Variants in STK38L observed in about 807,000 individuals in gnomAD.
STK38L encodes serine/threonine kinase 38 like.
A neutral mutation model predicts 59.7 loss-of-function variants in STK38L; 28 were observed. The ratio of observed to expected loss-of-function variants is 0.47; its 90% CI spans 0.35 to 0.64. STK38L has a LOEUF of 0.64. Among genes scored for constraint, STK38L ranks in the 30% least tolerant of loss-of-function variants. The probability of loss-of-function intolerance (pLI) is 0.01; values close to 1 mark genes in which losing one functional copy is unlikely to be tolerated. For synonymous variants in STK38L, 162 were observed against 176.8 expected, an observed-to-expected ratio of 0.92 and a Z score of 0.66; for missense variants, 314 against 555.8, an observed-to-expected ratio of 0.56 and a Z score of 4.37.
intron 1 of STK38L, among the ~76,000 whole-genome samples, chr12:27,255,149 A>G (rs753582240): frequency 4.6e-5 from 7 of 152,206 alleles, no homozygotes; most frequent in Non-Finnish European, 8.8e-5. Context: ...GATTAGCCCC[A>G]TTGTATAGCC....
In STK38L at chr12:27,308,130, A is replaced by C. The variant is rs1006927122; in HGVS notation, c.187-209A>C. 6.6e-6 allele frequency among the ~76,000 whole-genome samples: 1 copy of C among 151,876 alleles called. No individual in the cohort carries two copies. The highest frequency in any genetic ancestry group is 6.6e-5 in the Admixed American group (1 of 15,236). On this transcript the variant is annotated intron_variant, in intron 3 of 13. Transcript: ENST00000389032. The surrounding 1 kb of genome is among the most constrained non-coding windows in gnomAD (Gnocchi z 4.5). ...TATATAGACAAATATGATGGACTGA[A>C]TTACATATTTAATGGAGTCCACCTC... is the stretch of plus-strand genomic sequence containing the variant.
chr12:27,313,263 A>AAAAT (rs1565554018), intron 6 of STK38L, among the ~76,000 whole-genome samples: 1 of 151,946 alleles, frequency 6.6e-6, no homozygotes, highest in African/African-American at 2.4e-5. Flanking sequence ...AAAAAAAAAA[A>AAAAT]AAATACCTGA....
intron 5 of STK38L, among the ~76,000 whole-genome samples, chr12:27,309,935 G>T (rs938445486): frequency 2.6e-5 from 4 of 152,166 alleles, no homozygotes; most frequent in African/African-American, 9.7e-5. Context: ...CATGTTTCCT[G>T]TGCCTTAATG....
rs556362247 is a variant in STK38L, at chr12:27,255,247, A to G, written c.-12+10915A>G. ...TTTACCGTAGTAAAACTGCATTTTC[A>G]TACTAACCAAGAGTGTAACTGGACC... On this transcript the variant is annotated intron_variant, in intron 1 of 13. Coordinates refer to ENST00000389032, the MANE Select transcript of STK38L (RefSeq NM_015000.4). 6.6e-5 allele frequency among the ~76,000 whole-genome samples: 10 copies of G among 152,344 alleles called. No individual in the cohort carries two copies. The East Asian group carries it at 1.4e-3, about 21-fold the overall frequency.
chr12:27,316,847 G>T (rs929023268), intron 9 of STK38L, among the ~76,000 whole-genome samples: 4 of 152,126 alleles, frequency 2.6e-5, no homozygotes, highest in African/African-American at 9.7e-5. Context: ...ATTAGGGCAG[G>T]TATTATTATT....
chr12:27,321,015 T>C (rs1343408094), intron 12 of STK38L, among the ~76,000 whole-genome samples: 3 of 152,138 alleles, frequency 2.0e-5, no homozygotes, highest in Non-Finnish European at 4.4e-5. Flanking sequence ...GCCAGTTCTT[T>C]TGGTTTTATA....
chr12:27,310,628 G>A (rs1179296690), intron 5 of STK38L, among the ~76,000 whole-genome samples: 4 of 151,996 alleles, frequency 2.6e-5, no homozygotes, highest in South Asian at 2.1e-4. Flanking sequence ...GATAATATTC[G>A]GATATATTAG....
chr12:27,255,050 G>C (rs1264126464), intron 1 of STK38L, among the ~76,000 whole-genome samples: 1 of 152,178 alleles, frequency 6.6e-6, no homozygotes, highest in Admixed American at 6.5e-5. Flanking sequence ...GAGCAGAAAA[G>C]GAGACAGAAA....
At chr12:27,284,447 A>C (rs926304684) in intron 1 of STK38L, among the ~76,000 whole-genome samples, 2 of 152,246 alleles carry the variant, frequency 1.3e-5, no homozygotes, top group Non-Finnish European at 2.9e-5. Flanking sequence ...TATATCACTT[A>C]ATGGTGACCA....
Position 27,308,482 on chromosome 12 carries a change from C to A in STK38L, c.309+21C>A. On this transcript the variant is annotated intron_variant, in intron 4 of 13. Transcript: ENST00000389032. The surrounding 1 kb of genome is among the most constrained non-coding windows in gnomAD (Gnocchi z 4.5). ...GAGAGGTGTGCTTCTTTTTAAAAGT[C>A]ACTACTGCTGCAAATATATATCTTA... The A allele has an allele frequency of 1.3e-6, 2 of 1,545,418 alleles. No homozygotes were observed. The highest frequency in any genetic ancestry group is 2.4e-5 in the South Asian group (2 of 82,454).
intron 2 of STK38L, chr12:27,300,539 G>A (rs1348399780): frequency 4.4e-6 from 2 of 455,764 alleles, no homozygotes; most frequent in African/African-American, 2.0e-5. Flanking sequence ...CTTACTCTCT[G>A]GATTCTTTCT....
intron 6 of STK38L, 26 bp from the exon 7 acceptor site, chr12:27,314,478 A>AAT: frequency 6.8e-7 from 1 of 1,464,650 alleles, no homozygotes; most frequent in Non-Finnish European, 9.1e-7. Flanking sequence ...TTTCAATAAT[A>AAT]ATATATTTGA....
At chr12:27,303,649 G>A (rs970328622) in intron 3 of STK38L, among the ~76,000 whole-genome samples, 1 of 152,102 alleles carries the variant, frequency 6.6e-6, no homozygotes, top group African/African-American at 2.4e-5. Context: ...AAATATGTAC[G>A]CATGATAGAA....
chr12:27,277,474 C>G (rs935615512), intron 1 of STK38L, among the ~76,000 whole-genome samples: 3 of 151,900 alleles, frequency 2.0e-5, no homozygotes, highest in African/African-American at 7.3e-5. Flanking sequence ...CTTTAACTCC[C>G]TGATTTTAGT....
At position 27,262,847 on chromosome 12, in the gene STK38L, G is replaced by A. The variant is rs1220684236; in HGVS notation, c.-12+18515G>A. 2.0e-5 allele frequency among the ~76,000 whole-genome samples: 3 copies of A among 147,410 alleles called. No individual in the cohort carries two copies. In the East Asian group the frequency reaches 5.8e-4, roughly 29 times the overall value. On this transcript the variant is annotated intron_variant, in intron 1 of 13. Coordinates refer to ENST00000389032, the MANE Select transcript of STK38L (RefSeq NM_015000.4). ...AGAGTCTTACTCTGTTGCCCAGGCT[G>A]GAACGCAGTGGTGGGATCCCAGCTC...
At chr12:27,307,718 G>T (rs1944351277) in intron 3 of STK38L, among the ~76,000 whole-genome samples, 2 of 152,104 alleles carry the variant, frequency 1.3e-5, no homozygotes, top group African/African-American at 4.8e-5. Flanking sequence ...GCTTATTAAT[G>T]GAAGTTATTT....
chr12:27,281,179 G>A (rs1943650374), intron 1 of STK38L, among the ~76,000 whole-genome samples: 1 of 11,120 alleles, frequency 9.0e-5, no homozygotes, highest in East Asian at 1.2e-3. Flanking sequence ...TCCGCCTCCC[G>A]GGTTCACGCC....
At chr12:27,258,637 T>C (rs992150449) in intron 1 of STK38L, among the ~76,000 whole-genome samples, 4 of 152,234 alleles carry the variant, frequency 2.6e-5, no homozygotes, top group African/African-American at 9.6e-5. Context: ...CCTGGTTGCT[T>C]TTTTATGTAT....
intron 2 of STK38L, among the ~76,000 whole-genome samples, chr12:27,301,599 A>G (rs888958291): frequency 6.6e-6 from 1 of 152,124 alleles, no homozygotes; most frequent in African/African-American, 2.4e-5. Context: ...TGACTTTCCA[A>G]TTTTCAAATA....
Sources: allele counts gnomAD v4.1 joint callset (sites outside exome capture counted in the v4.1 genomes callset), GRCh38; gene constraint gnomAD v4.1.1; non-coding constraint Gnocchi (gnomAD v3.1); transcripts MANE v1.5; gene names NCBI Gene and HGNC (gene_info 2026-07-23, HGNC 2026-07-21).